The following SMTNL2 variants were observed in gnomAD, a reference collection of about 807,000 sequenced individuals.
The protein encoded by SMTNL2 is smoothelin like 2.
Under a neutral mutation model 44.1 loss-of-function variants are expected in SMTNL2, and 43 were observed. That is an observed-to-expected ratio of 0.98 (90% CI 0.76 to 1.26). The LOEUF is 1.26. SMTNL2 is among the 50% of genes most tolerant of loss of function. The probability of loss-of-function intolerance (pLI) is 0.00; values close to 1 mark genes in which losing one functional copy is unlikely to be tolerated. For missense variants in SMTNL2, 646 were observed against 670.2 expected (o/e 0.96, Z 0.40); for synonymous variants, 317 against 287.6 (o/e 1.10, Z -1.03).
At chr17:4,596,768 G>T in intron 5 of SMTNL2, 92 bp from the exon 6 acceptor site, 2 of 1,160,690 alleles carry the variant, frequency 1.7e-6, no homozygotes, top group Non-Finnish European at 2.3e-6. Context: ...CACCCTCCTT[G>T]GTGGTGCCAG....
chr17:4,602,711 G>C, intron 7 of SMTNL2, among the ~76,000 whole-genome samples: 1 of 152,166 alleles, frequency 6.6e-6, no homozygotes, highest in East Asian at 1.9e-4. Flanking sequence ...GTGGAAGGTG[G>C]GTGCCCTTGA....
intron 7 of SMTNL2, among the ~76,000 whole-genome samples, chr17:4,602,778 G>A (rs565689425): frequency 4.6e-5 from 7 of 152,310 alleles, no homozygotes; most frequent in African/African-American, 7.2e-5. Flanking sequence ...TGTGGGAGGC[G>A]GAATTTGGAG....
intron 1 of SMTNL2, among the ~76,000 whole-genome samples, chr17:4,586,847 A>T (rs184297476): frequency 1.3e-5 from 2 of 152,038 alleles, no homozygotes; most frequent in Admixed American, 6.6e-5. Context: ...GGGAGCTCTG[A>T]CTTGGGGGAC....
Position 4,584,883 on chromosome 17 carries a change from T to C in SMTNL2, c.278T>C (p.Val93Ala). 7.7e-7 allele frequency: 1 copy of C among 1,302,924 alleles called. No homozygotes were observed. The highest frequency in any genetic ancestry group is 9.7e-7 in the Non-Finnish European group (1 of 1,029,288). 80.7% of individuals were successfully genotyped at this position (1,302,924 alleles called of 1,614,324 possible). ...GGCTTGGCCAGCGGGATGTCCCCGG[T>C]GCCCGGCACTCCCGGCACGCCCAGC... Reference protein sequence around the residue: ...ALGLASGMSPVPGTPGTPSPP... With the variant: ...ALGLASGMSPAPGTPGTPSPP... The change falls in exon 1 of 8, where the codon GTG becomes GCG. Residue 93 changes from valine to alanine, a missense_variant. Physicochemically the swap from Val to Ala is moderately conservative, Grantham distance 64 (BLOSUM62 0). Transcript: ENST00000389313.
In SMTNL2 at chr17:4,592,060, G is replaced by T. The variant is rs1182877601; in HGVS notation, c.400-301G>T. Among the ~76,000 whole-genome samples the T allele has an allele frequency of 1.3e-5, 2 of 152,218 alleles. No individual in the cohort carries two copies. The highest frequency in any genetic ancestry group is 2.9e-5 in the Non-Finnish European group (2 of 68,040). ...CATCTGGTCCAGCCTGGGGGAAAAG[G>T]TGAGGGGGCCTAATGTCATTGGAAC... is the stretch of plus-strand genomic sequence containing the variant. On this transcript the variant is annotated intron_variant, in intron 1 of 7. Transcript: ENST00000389313. The surrounding 1 kb of genome is among the most constrained non-coding windows in gnomAD (Gnocchi z 4.5).
chr17:4,594,359 G>A (rs1178876030), intron 4 of SMTNL2, among the ~76,000 whole-genome samples: 1 of 152,118 alleles, frequency 6.6e-6, no homozygotes, highest in African/African-American at 2.4e-5. Context: ...TGAGGCAGGA[G>A]AATCGCTTGA....
At chr17:4,596,100 G>A in intron 5 of SMTNL2, among the ~76,000 whole-genome samples, 2 of 120,646 alleles carry the variant, frequency 1.7e-5, no homozygotes, top group South Asian at 5.5e-4. Context: ...TGTGTGCAGG[G>A]TGTGGCCCAA....
At chr17:4,594,970 A>C (rs1909745651) in intron 4 of SMTNL2, 175 bp from the exon 5 acceptor site, 3 of 819,608 alleles carry the variant, frequency 3.7e-6, no homozygotes, top group Non-Finnish European at 5.7e-6. Context: ...TCCAGCCAGC[A>C]CAATTCAGAA....
chr17:4,591,195 T>C (rs1038124), intron 1 of SMTNL2, among the ~76,000 whole-genome samples: 49,315 of 152,120 alleles, frequency 0.32, 8,036 homozygotes, highest in South Asian at 0.41. Context: ...GATTCCCCAA[T>C]GGCAGGGTGG....
intron 1 of SMTNL2, among the ~76,000 whole-genome samples, chr17:4,586,494 G>T (rs1597407583): frequency 7.5e-6 from 1 of 133,338 alleles, no homozygotes; most frequent in East Asian, 2.2e-4. Context: ...TATACATGTA[G>T]ATGTGTGTGT....
At position 4,590,263 on chromosome 17, in the gene SMTNL2, G is replaced by A. The variant is rs78489232; in HGVS notation, c.400-2098G>A. Among the ~76,000 whole-genome samples, 250 of 152,132 alleles carry A rather than the reference G, an allele frequency of 1.6e-3. 8 individuals are homozygous for A. In the East Asian group the frequency reaches 0.045, roughly 27 times the overall value. The stretch of plus-strand genomic sequence containing the variant: ...ATGACAGGCGTGAGCCACCGCGCCT[G>A]GCCCCGTGCCTGGCTTCTTGACTCC... On this transcript the variant is annotated intron_variant, in intron 1 of 7. Transcript: ENST00000389313.
intron 6 of SMTNL2, 96 bp downstream of exon 6, chr17:4,597,073 C>T (rs1193955495): frequency 1.6e-5 from 24 of 1,512,986 alleles, no homozygotes; most frequent in East Asian, 1.2e-4. Context: ...GGCAGGAGCC[C>T]GCTGAGGCTG....
At position 4,584,845 on chromosome 17, in the gene SMTNL2, G is replaced by C; in HGVS notation, c.240G>C (p.Gln80His). 1 of 1,329,192 alleles carries C rather than the reference G, an allele frequency of 7.5e-7. No homozygotes were observed. The allele number at this position is 1,329,192 out of a possible 1,614,324, so 82.3% of individuals were successfully genotyped here. ...LQAQLERLTR[Q>H]VEALGLASGM... is the part of the protein sequence containing the mutation. ...CGCAGCTCGAGCGCCTGACGCGCCA[G>C]GTGGAGGCGCTGGGCTTGGCCAGCG... Residue 80 changes from glutamine to histidine, a missense_variant, in exon 1 of 8, where the codon CAG (glutamine) becomes CAC (histidine). Transcript: ENST00000389313.
intron 1 of SMTNL2, among the ~76,000 whole-genome samples, chr17:4,586,682 G>A (rs1377501294): frequency 6.6e-6 from 1 of 152,192 alleles, no homozygotes; most frequent in Admixed American, 6.5e-5. Flanking sequence ...CTTCGGGGTG[G>A]ATGGAAGGTG....
In SMTNL2 at chr17:4,607,540, C is replaced by T. The variant is rs964634414; in HGVS notation, c.*53C>T. 7.5e-6 allele frequency: 12 copies of T among 1,589,684 alleles called. No individual in the cohort carries two copies. Among genetic ancestry groups the T allele is most frequent in the Admixed American group, 1.7e-5 (1 of 58,370 alleles). On this transcript the variant is annotated 3_prime_UTR_variant, in exon 8 of 8. Transcript: ENST00000389313. This position sits in a 1 kb window ranked among gnomAD's most constrained non-coding sequence, Gnocchi z 4.7. ...CAGCCCCAGGAAGAGGCCGGGGGTC[C>T]GCTTGCGATTCCCCAGCCAGGATGC...
rs1429417252 is a variant in SMTNL2, at chr17:4,595,122, C to T, written c.807-23C>T. ...AGTGATGGCTGCTGGGCCCAGGTCCCAACTCGGCGATTCTTTCCTCAGCCC... is the reference window on the plus strand; with the variant it reads ...AGTGATGGCTGCTGGGCCCAGGTCCTAACTCGGCGATTCTTTCCTCAGCCC... On this transcript the variant is annotated intron_variant, in intron 4 of 7. Transcript: ENST00000389313. This position sits in a 1 kb window ranked among gnomAD's most constrained non-coding sequence, Gnocchi z 5.1. 1 of 1,612,998 alleles carries T rather than the reference C, an allele frequency of 6.2e-7. No homozygotes were observed. The highest frequency in any genetic ancestry group is 1.7e-5 in the Admixed American group (1 of 60,026).
intron 7 of SMTNL2, among the ~76,000 whole-genome samples, chr17:4,606,010 C>CAGTGT (rs943702959): frequency 8.5e-5 from 13 of 152,210 alleles, no homozygotes; most frequent in African/African-American, 3.1e-4. Context: ...TGAAAGGCCA[C>CAGTGT]AGTGTACACA....
intron 7 of SMTNL2, among the ~76,000 whole-genome samples, chr17:4,603,909 A>G (rs1249331750): frequency 6.6e-6 from 1 of 151,950 alleles, no homozygotes; most frequent in Non-Finnish European, 1.5e-5. Context: ...CAGTGGCATG[A>G]TCTTGGCTCA....
intron 7 of SMTNL2, among the ~76,000 whole-genome samples, chr17:4,606,476 TG>T (rs1374661707): frequency 2.2e-4 from 34 of 151,990 alleles, no homozygotes; most frequent in Non-Finnish European, 1.5e-5. Flanking sequence ...AAATACAATA[TG>T]CCAGGTACTG....
Sources: allele counts gnomAD v4.1 joint callset (sites outside exome capture counted in the v4.1 genomes callset), GRCh38; gene constraint gnomAD v4.1.1; non-coding constraint Gnocchi (gnomAD v3.1); transcripts MANE v1.5; gene names NCBI Gene and HGNC (gene_info 2026-07-23, HGNC 2026-07-21).